Variants in ZYG11B observed in about 807,000 individuals in gnomAD.
The protein encoded by ZYG11B is zyg-11 family member B, cell cycle regulator.
In ZYG11B, 36 loss-of-function variants were observed where a neutral mutation model predicts 82.4. The ratio of observed to expected loss-of-function variants is 0.44; its 90% CI spans 0.33 to 0.58. The LOEUF (loss-of-function observed/expected upper bound fraction) is 0.58, where lower values mean the gene tolerates loss of function less well. ZYG11B is among the 20% of genes least tolerant of loss of function. The probability of loss-of-function intolerance (pLI) is 0.02; values close to 1 mark genes in which losing one functional copy is unlikely to be tolerated. For synonymous variants in ZYG11B, 303 were observed against 312.8 expected, an observed-to-expected ratio of 0.97 and a Z score of 0.33; for missense variants, 552 against 895.6, an observed-to-expected ratio of 0.62 and a Z score of 4.90.
chr1:52,742,970 C>T (rs1472959870), intron 1 of ZYG11B, among the ~76,000 whole-genome samples: 2 of 151,004 alleles, frequency 1.3e-5, no homozygotes, highest in African/African-American at 2.4e-5. Flanking sequence ...CCGCCCCGTC[C>T]GGGAGGTGGG....
chr1:52,751,909 A>G (rs891994033), intron 1 of ZYG11B, among the ~76,000 whole-genome samples: 7 of 151,938 alleles, frequency 4.6e-5, no homozygotes, highest in South Asian at 4.2e-4. Flanking sequence ...GGAGAAAACA[A>G]ACTGTTTTCT....
chr1:52,783,884 A>ACACGTGTGTGTGTG (rs1558132701), intron 4 of ZYG11B, among the ~76,000 whole-genome samples: 11 of 140,782 alleles, frequency 7.8e-5, no homozygotes, highest in East Asian at 2.1e-4. Flanking sequence ...GTGTGTGTAT[A>ACACGTGTGTGTGTG]TGTACATACA....
In ZYG11B at chr1:52,768,596, C is replaced by CTTT. The variant is rs142493514; in HGVS notation, c.197-2410_197-2408dup. 4.6e-4 allele frequency among the ~76,000 whole-genome samples: 63 copies of CTTT among 136,850 alleles called. 2 individuals are homozygous for CTTT. Among genetic ancestry groups the CTTT allele is most frequent in the South Asian group, 1.4e-3 (6 of 4,404 alleles). The allele number at this position is 136,850 out of a possible 152,430, so 89.8% of individuals were successfully genotyped here. ...CTTTAATATACCTAACCTTCTTCCTCTTTTTTTTTTTTTTTTGAAATGGAG... is the reference window on the plus strand; with the variant it reads ...CTTTAATATACCTAACCTTCTTCCTCTTTTTTTTTTTTTTTTTTTGAAATGGAG... On this transcript the variant is annotated intron_variant, in intron 2 of 13. Coordinates refer to ENST00000294353, the MANE Select transcript of ZYG11B (RefSeq NM_024646.3).
At chr1:52,800,897 T>A (rs569550563) in intron 8 of ZYG11B, among the ~76,000 whole-genome samples, 1 of 152,320 alleles carries the variant, frequency 6.6e-6, no homozygotes, top group Admixed American at 6.5e-5. Context: ...TTTCCTGAAT[T>A]GTGTATAGCC....
chr1:52,809,235 T>C (rs1031640771), intron 10 of ZYG11B, among the ~76,000 whole-genome samples: 11 of 152,202 alleles, frequency 7.2e-5, no homozygotes, highest in African/African-American at 2.7e-4. Context: ...TTAAATACTT[T>C]TATAATGTTG....
chr1:52,771,529 C>A lies in ZYG11B; in HGVS notation c.706C>A (p.Leu236Ile), dbSNP rs1644750784. Residue 236 changes from leucine to isoleucine, a missense_variant, in exon 3 of 14, where the codon CTC becomes ATC. Coordinates refer to ENST00000294353, the MANE Select transcript of ZYG11B (RefSeq NM_024646.3). The surrounding 1 kb of genome is among the most constrained non-coding windows in gnomAD (Gnocchi z 5.4). ...CCAGATACTGGATGTAGTTCGGGAA[C>A]TCAAACATCTGAATCATCTTGATAT... is the stretch of plus-strand genomic sequence containing the variant. ...TTQILDVVRE[L>I]KHLNHLDISD... 6.2e-7 allele frequency: 1 copy of A among 1,613,916 alleles called. No homozygotes were observed. Among genetic ancestry groups the A allele is most frequent in the Non-Finnish European group, 8.5e-7 (1 of 1,179,986 alleles).
At chr1:52,743,201 T>G (rs1338110034) in intron 1 of ZYG11B, among the ~76,000 whole-genome samples, 2 of 151,944 alleles carry the variant, frequency 1.3e-5, no homozygotes, top group Non-Finnish European at 2.9e-5. Context: ...TCCATTTGGT[T>G]CTGAGATTAG....
intron 1 of ZYG11B, among the ~76,000 whole-genome samples, chr1:52,731,629 T>C (rs1395505488): frequency 2.0e-5 from 3 of 151,956 alleles, no homozygotes; most frequent in African/African-American, 4.8e-5. Flanking sequence ...AAAAAAGACA[T>C]GGGGTACAGG....
chr1:52,816,342 T>C (rs1645223428), intron 12 of ZYG11B, among the ~76,000 whole-genome samples, 190 bp from the exon 13 acceptor site: 1 of 152,206 alleles, frequency 6.6e-6, no homozygotes, highest in Admixed American at 6.5e-5. Context: ...CCATCTTCTG[T>C]ACTGAGTCAT....
At chr1:52,803,906 T>C (rs1257634751) in intron 10 of ZYG11B, among the ~76,000 whole-genome samples, 1 of 152,118 alleles carries the variant, frequency 6.6e-6, no homozygotes, top group Non-Finnish European at 1.5e-5. Flanking sequence ...CACTTGGCCT[T>C]GTGTTTCACT....
intron 8 of ZYG11B, among the ~76,000 whole-genome samples, chr1:52,797,272 TAAA>T (rs1379175272): frequency 1.2e-5 from 1 of 81,964 alleles, no homozygotes; most frequent in African/African-American, 5.8e-5. Flanking sequence ...ATATTATATA[TAAA>T]ATATTTATAT....
chr1:52,762,212 CTTT>C (rs1438109698), intron 2 of ZYG11B, among the ~76,000 whole-genome samples: 5 of 131,486 alleles, frequency 3.8e-5, no homozygotes, highest in Admixed American at 7.7e-5. Context: ...GTTGCCTGTG[CTTT>C]TTTTTTTTTT....
chr1:52,813,401 T>G, intron 10 of ZYG11B, 135 bp from the exon 11 acceptor site: 1 of 676,586 alleles, frequency 1.5e-6, no homozygotes, highest in Admixed American at 3.1e-5. Context: ...CTGCCCTCAT[T>G]TGAATACTTT....
intron 1 of ZYG11B, among the ~76,000 whole-genome samples, chr1:52,743,250 C>T (rs1230025951): frequency 1.3e-5 from 2 of 151,718 alleles, no homozygotes; most frequent in East Asian, 1.9e-4. Context: ...TACCCAGGGA[C>T]ACAAACACTG....
Position 52,752,095 on chromosome 1 carries a change from A to C in ZYG11B, c.31-4363A>C, listed in dbSNP as rs560593702. On this transcript the variant is annotated intron_variant, in intron 1 of 13. Coordinates refer to ENST00000294353, the MANE Select transcript of ZYG11B (RefSeq NM_024646.3). ...CCTCACAGGTGAGGGGCTCACTTCC[A>C]CAAGATGGCCTCCCTCAGATGCCAA... Among the ~76,000 whole-genome samples, 25 of 152,064 alleles carry C rather than the reference A, an allele frequency of 1.6e-4. No homozygotes were observed. In the East Asian group the frequency reaches 4.8e-3, roughly 29 times the overall value.
intron 6 of ZYG11B, among the ~76,000 whole-genome samples, chr1:52,793,638 T>C (rs1644977400): frequency 6.6e-6 from 1 of 152,224 alleles, no homozygotes; most frequent in South Asian, 2.1e-4. Context: ...AGAACTAGAA[T>C]TCAGACCCAG....
intron 2 of ZYG11B, among the ~76,000 whole-genome samples, chr1:52,756,898 G>C (rs1317023634): frequency 6.8e-6 from 1 of 148,052 alleles, no homozygotes; most frequent in African/African-American, 2.5e-5. Context: ...GCTCACTGCA[G>C]TCTCAACCTC....
At chr1:52,747,992 G>T (rs759577475) in intron 1 of ZYG11B, among the ~76,000 whole-genome samples, 12 of 152,084 alleles carry the variant, frequency 7.9e-5, no homozygotes, top group Non-Finnish European at 1.8e-4. Context: ...ACTTAGCATA[G>T]TTAGTAGCAT....
At chr1:52,727,928 A>G (rs1035017753) in intron 1 of ZYG11B, among the ~76,000 whole-genome samples, 1 of 152,058 alleles carries the variant, frequency 6.6e-6, no homozygotes, top group African/African-American at 2.4e-5. Context: ...GAGGTTAGTC[A>G]GTTTCTTTTT....
Sources: allele counts gnomAD v4.1 joint callset (sites outside exome capture counted in the v4.1 genomes callset), GRCh38; gene constraint gnomAD v4.1.1; non-coding constraint Gnocchi (gnomAD v3.1); transcripts MANE v1.5; gene names NCBI Gene and HGNC (gene_info 2026-07-23, HGNC 2026-07-21).